Variants in CDH9 observed in about 807,000 individuals in gnomAD.
CDH9 encodes cadherin-9.
A neutral mutation model predicts 70.9 loss-of-function variants in CDH9; 28 were observed. That is an observed-to-expected ratio of 0.40 (90% CI 0.29 to 0.54). The LOEUF (loss-of-function observed/expected upper bound fraction) is 0.54, where lower values mean the gene tolerates loss of function less well. CDH9 is among the 20% of genes least tolerant of loss of function. The pLI, the probability that CDH9 is intolerant of heterozygous loss-of-function variation, is 0.59. For synonymous variants in CDH9, 409 were observed against 343.1 expected (o/e 1.19, Z -2.12); for missense variants, 874 against 984.4 (o/e 0.89, Z 1.50).
intron 2 of CDH9, among the ~76,000 whole-genome samples, chr5:26,924,088 C>A (rs1338098258): frequency 6.6e-6 from 1 of 151,454 alleles, no homozygotes; most frequent in Non-Finnish European, 1.5e-5. Flanking sequence ...AAAAACAATA[C>A]AGAAGATCAA....
Position 26,906,822 on chromosome 5 carries a change from T to C in CDH9, c.540A>G (p.Gln180=). 6.2e-7 allele frequency: 1 copy of C among 1,611,844 alleles called. No homozygotes were observed. Among genetic ancestry groups the C allele is most frequent in the Non-Finnish European group, 8.5e-7 (1 of 1,178,570 alleles). Residue 180 remains glutamine, a synonymous_variant, in exon 4 of 12, where the codon CAA becomes CAG. Coordinates refer to ENST00000231021, the MANE Select transcript of CDH9 (RefSeq NM_016279.4). ...CGTCATCTGCATCTGTTGCAGTTAC[T>C]TGTATAACAGATGTACCTACATGAA... ...EMSGVGTSVI[Q]VTATDADDAN...
chr5:26,927,693 C>T (rs558201176), intron 2 of CDH9, among the ~76,000 whole-genome samples: 1 of 152,114 alleles, frequency 6.6e-6, no homozygotes, highest in African/African-American at 2.4e-5. Flanking sequence ...GCACTAGATT[C>T]TCTGCTGGGT....
Position 26,881,398 on chromosome 5 carries a change from G to A in CDH9, c.2108C>T (p.Thr703Ile). Residue 703 changes from threonine to isoleucine, a missense_variant, in exon 12 of 12, where the codon ACT becomes ATT. Coordinates refer to ENST00000231021, the MANE Select transcript of CDH9 (RefSeq NM_016279.4). ...MPETIFQIRR[T>I]VPLWENIDVQ... ...ATCAATATTTTCCCACAGAGGCACA[G>A]TCCTCCTTATCTGAAAAATAGTTTC... The A allele has an allele frequency of 6.2e-7, 1 of 1,613,504 alleles. No individual in the cohort carries two copies. Among genetic ancestry groups the A allele is most frequent in the Non-Finnish European group, 8.5e-7 (1 of 1,179,588 alleles).
At chr5:26,991,077 A>G (rs969751031) in intron 1 of CDH9, among the ~76,000 whole-genome samples, 7 of 152,220 alleles carry the variant, frequency 4.6e-5, no homozygotes, top group Non-Finnish European at 8.8e-5. Context: ...GAAAAGATCA[A>G]CTGGTGCAGA....
chr5:27,028,484 A>G (rs1743258113), intron 1 of CDH9: 1 of 151,964 alleles, frequency 6.6e-6, no homozygotes, highest in Non-Finnish European at 1.5e-5. Context: ...ATTGATAGGT[A>G]CTGTTGTAAT....
intron 1 of CDH9, among the ~76,000 whole-genome samples, chr5:27,007,655 T>C (rs1742888700): frequency 6.6e-6 from 1 of 152,136 alleles, no homozygotes. Context: ...AATAGACCTA[T>C]GAAATACTTT....
At chr5:26,947,456 T>C (rs994808070) in intron 2 of CDH9, among the ~76,000 whole-genome samples, 1 of 152,208 alleles carries the variant, frequency 6.6e-6, no homozygotes, top group Admixed American at 6.5e-5. Context: ...TCCGCAGTTT[T>C]GACAGAACTC....
At chr5:26,920,693 G>A (rs955309007) in intron 2 of CDH9, among the ~76,000 whole-genome samples, 2 of 152,082 alleles carry the variant, frequency 1.3e-5, no homozygotes, top group Admixed American at 6.6e-5. Context: ...GAAAGCAAGA[G>A]TCTTTGCCTG....
rs771649672 is a variant in CDH9, at chr5:26,903,824, C to T, written c.812G>A (p.Ser271Asn). ...CTCAGGAGAATTAAATTGATACGTA[C>T]CTATAAATTAAGTAAGAGCTGTTTT... ...VNNNPPRFPQ[S>N]TYQFNSPESV... is the part of the protein sequence containing the mutation. The change falls in exon 6 of 12, where the codon AGT becomes AAT. Residue 271 changes from serine to asparagine, a missense_variant and splice_region_variant. By Grantham distance (46) the Ser-to-Asn change is conservative. Coordinates refer to ENST00000231021, the MANE Select transcript of CDH9 (RefSeq NM_016279.4). 13 of 1,507,006 alleles carry T rather than the reference C, an allele frequency of 8.6e-6. No individual in the cohort carries two copies. The highest frequency in any genetic ancestry group is 3.4e-4 in the Middle Eastern group (2 of 5,906). The allele number at this position is 1,507,006 out of a possible 1,614,324, so 93.4% of individuals were successfully genotyped here.
chr5:26,949,197 C>A (rs1165218716), intron 2 of CDH9, among the ~76,000 whole-genome samples: 1 of 152,144 alleles, frequency 6.6e-6, no homozygotes, highest in Non-Finnish European at 1.5e-5. Flanking sequence ...CCAGTAAATG[C>A]AGCTCCATTA....
Position 26,906,701 on chromosome 5 carries a change from C to T in CDH9, c.643+18G>A. ...ATGTATTATACAATAAGAAGTCAGC[C>T]AAGTTTAAATGTTGTACCTGATTCT... On this transcript the variant is annotated intron_variant, in intron 4 of 11. Transcript: ENST00000231021. The T allele has an allele frequency of 6.2e-7, 1 of 1,611,388 alleles. No individual in the cohort carries two copies. The highest frequency in any genetic ancestry group is 1.1e-5 in the South Asian group (1 of 90,960).
chr5:26,935,117 G>A (rs1284405376), intron 2 of CDH9, among the ~76,000 whole-genome samples: 1 of 151,918 alleles, frequency 6.6e-6, no homozygotes, highest in Non-Finnish European at 1.5e-5. Context: ...CATATCAAGA[G>A]GCTAAAAAAA....
intron 1 of CDH9, among the ~76,000 whole-genome samples, chr5:27,015,974 G>A (rs1036797508): frequency 2.6e-5 from 4 of 151,768 alleles, no homozygotes; most frequent in Non-Finnish European, 5.9e-5. Flanking sequence ...TAAATAGAAA[G>A]AGGATTGTAC....
At chr5:26,930,509 A>G (rs1741423646) in intron 2 of CDH9, among the ~76,000 whole-genome samples, 1 of 152,134 alleles carries the variant, frequency 6.6e-6, no homozygotes, top group African/African-American at 2.4e-5. Flanking sequence ...GTTTGGTTGA[A>G]AAAAATCTGC....
At chr5:27,008,035 A>G (rs545212128) in intron 1 of CDH9, among the ~76,000 whole-genome samples, 2 of 152,188 alleles carry the variant, frequency 1.3e-5, no homozygotes, top group Admixed American at 6.6e-5. Flanking sequence ...GTGGAACAGA[A>G]AAACTGAATG....
At chr5:26,904,772 C>T (rs1740916732) in intron 5 of CDH9, among the ~76,000 whole-genome samples, 1 of 151,966 alleles carries the variant, frequency 6.6e-6, no homozygotes, top group Non-Finnish European at 1.5e-5. Context: ...ATGTCTGCGT[C>T]TAAGAAATAA....
intron 1 of CDH9, among the ~76,000 whole-genome samples, chr5:27,028,622 T>C (rs943613974): frequency 3.9e-5 from 6 of 152,082 alleles, no homozygotes; most frequent in African/African-American, 1.4e-4. Flanking sequence ...TTCACTAGAG[T>C]GATTTTGAAA....
At chr5:26,960,619 T>C (rs990805687) in intron 2 of CDH9, among the ~76,000 whole-genome samples, 5 of 152,038 alleles carry the variant, frequency 3.3e-5, no homozygotes. Flanking sequence ...CAACACCATT[T>C]TACTGAAAAT....
intron 1 of CDH9, among the ~76,000 whole-genome samples, chr5:27,001,552 T>C (rs927918379): frequency 6.6e-6 from 1 of 152,146 alleles, no homozygotes; most frequent in African/African-American, 2.4e-5. Flanking sequence ...TATTTTAATA[T>C]AGATATAGAT....
Sources: gnomAD v4.1 joint callset for allele counts (sites outside exome capture counted in the v4.1 genomes callset) on GRCh38, gnomAD v4.1.1 for gene constraint, MANE v1.5 for transcripts, NCBI Gene and HGNC (gene_info 2026-07-23, HGNC 2026-07-21) for gene names.